Variants in LPP observed in about 807,000 individuals in gnomAD.
LPP encodes the protein LIM domain containing preferred translocation partner in lipoma.
Under a neutral mutation model 60.4 loss-of-function variants are expected in LPP, and 38 were observed. The ratio of observed to expected loss-of-function variants is 0.63; its 90% CI spans 0.49 to 0.83. The LOEUF is 0.83. Ranked by LOEUF, LPP falls within the 40% of genes least tolerant of loss-of-function variation. The pLI is 0.00. For synonymous variants in LPP, 328 were observed against 290.8 expected (o/e 1.13, Z -1.30); for missense variants, 902 against 783.6 (o/e 1.15, Z -1.80).
chr3:188,510,477 A>G (rs1423772424), intron 5 of LPP, among the ~76,000 whole-genome samples: 1 of 152,138 alleles, frequency 6.6e-6, no homozygotes, highest in East Asian at 1.9e-4. Context: ...TTTAATATAA[A>G]TTGTCTGTGC....
chr3:188,639,388 T>G (rs1194284639), intron 7 of LPP, among the ~76,000 whole-genome samples: 1 of 151,066 alleles, frequency 6.6e-6, no homozygotes, highest in African/African-American at 2.4e-5. Context: ...AAGACTTAAA[T>G]GTTAGACCTA....
chr3:188,873,958 T>A (rs1046545155), intron 11 of LPP, among the ~76,000 whole-genome samples: 2 of 152,128 alleles, frequency 1.3e-5, no homozygotes, highest in Non-Finnish European at 2.9e-5. Flanking sequence ...TTTTGAGAGA[T>A]CCTTAAACTA....
At chr3:188,735,120 G>A (rs1007729530) in intron 8 of LPP, among the ~76,000 whole-genome samples, 1 of 152,038 alleles carries the variant, frequency 6.6e-6, no homozygotes, top group African/African-American at 2.4e-5. Context: ...AGCCGGATCT[G>A]CCTGTATAAT....
chr3:188,514,008 T>A (rs930979587), intron 5 of LPP, among the ~76,000 whole-genome samples: 2 of 152,178 alleles, frequency 1.3e-5, no homozygotes, highest in African/African-American at 4.8e-5. Flanking sequence ...GAGGTAAAAG[T>A]TGAGTTCCAG....
intron 9 of LPP, among the ~76,000 whole-genome samples, chr3:188,846,036 G>A (rs1286503572): frequency 6.6e-6 from 1 of 152,128 alleles, no homozygotes; most frequent in Non-Finnish European, 1.5e-5. Flanking sequence ...GCTTTTATTA[G>A]GTCAGTCATT....
chr3:188,808,341 G>A (rs531406105), intron 9 of LPP, among the ~76,000 whole-genome samples: 1 of 152,206 alleles, frequency 6.6e-6, no homozygotes, highest in African/African-American at 2.4e-5. Context: ...TGCTTTTGAG[G>A]CAGAGGGACA....
chr3:188,846,168 C>T (rs554569212), intron 9 of LPP, among the ~76,000 whole-genome samples: 5 of 152,190 alleles, frequency 3.3e-5, no homozygotes, highest in South Asian at 2.1e-4. Context: ...GAGACAAGCA[C>T]GTATACAAAA....
chr3:188,479,987 C>T (rs1804323298), intron 4 of LPP, among the ~76,000 whole-genome samples: 1 of 152,178 alleles, frequency 6.6e-6, no homozygotes, highest in Non-Finnish European at 1.5e-5. Context: ...AAGGGCTAAG[C>T]AAGCTCTGCG....
intron 8 of LPP, among the ~76,000 whole-genome samples, chr3:188,738,888 C>T (rs954032256): frequency 4.6e-5 from 7 of 152,022 alleles, no homozygotes; most frequent in African/African-American, 1.4e-4. Flanking sequence ...AAGGATGACT[C>T]GCTATCTGAT....
intron 8 of LPP, among the ~76,000 whole-genome samples, chr3:188,737,481 C>T (rs543679115): frequency 1.9e-4 from 29 of 152,276 alleles, no homozygotes; most frequent in Admixed American, 3.9e-4. Context: ...TTTAGAACTC[C>T]GCTCCATTGA....
Position 188,876,775 on chromosome 3 carries a change from T to C in LPP, c.*2296T>C, listed in dbSNP as rs1769301374. The C allele has an allele frequency of 1.1e-5, 2 of 185,108 alleles. No homozygotes were observed. The highest frequency in any genetic ancestry group is 4.7e-5 in the African/African-American group (2 of 42,630). 11.5% of individuals were successfully genotyped at this position (185,108 alleles called of 1,614,324 possible). On this transcript the variant is annotated 3_prime_UTR_variant, in exon 12 of 12. Transcript: ENST00000617246. ...AGAAGAAGAATTTATTGAATATTTATACTATAAAATGCAGTAACATTCTAC... is the reference window on the plus strand; with the variant it reads ...AGAAGAAGAATTTATTGAATATTTACACTATAAAATGCAGTAACATTCTAC...
At chr3:188,543,914 G>A (rs1825867154) in intron 6 of LPP, among the ~76,000 whole-genome samples, 1 of 152,184 alleles carries the variant, frequency 6.6e-6, no homozygotes, top group African/African-American at 2.4e-5. Flanking sequence ...CTGTCCACAG[G>A]GATTTAGTGC....
At chr3:188,292,941 T>C (rs991019006) in intron 2 of LPP, among the ~76,000 whole-genome samples, 1 of 152,190 alleles carries the variant, frequency 6.6e-6, no homozygotes, top group Non-Finnish European at 1.5e-5. Flanking sequence ...GATTCTACAT[T>C]CTCATGGAAG....
intron 8 of LPP, among the ~76,000 whole-genome samples, chr3:188,753,765 T>A (rs560055889): frequency 6.6e-6 from 1 of 151,930 alleles, no homozygotes; most frequent in Non-Finnish European, 1.5e-5. Flanking sequence ...TTGCGAGTGT[T>A]TGAGTGTGGG....
intron 7 of LPP, among the ~76,000 whole-genome samples, chr3:188,690,689 C>T (rs1403061465): frequency 6.6e-6 from 1 of 152,146 alleles, no homozygotes; most frequent in Non-Finnish European, 1.5e-5. Flanking sequence ...TCAAAGTGTT[C>T]TCTCTTTCCA....
At chr3:188,419,015 G>C (rs1334833654) in intron 4 of LPP, among the ~76,000 whole-genome samples, 2 of 151,996 alleles carry the variant, frequency 1.3e-5, no homozygotes, top group Non-Finnish European at 2.9e-5. Flanking sequence ...TTGGGTTTTA[G>C]TAAGGGCATC....
intron 3 of LPP, among the ~76,000 whole-genome samples, chr3:188,342,107 G>A (rs897457816): frequency 6.6e-6 from 1 of 152,106 alleles, no homozygotes; most frequent in African/African-American, 2.4e-5. Context: ...TTGATTGAGC[G>A]CATTTTTGAC....
At chr3:188,526,500 A>G (rs1412086459) in intron 6 of LPP, among the ~76,000 whole-genome samples, 1 of 152,150 alleles carries the variant, frequency 6.6e-6, no homozygotes, top group Non-Finnish European at 1.5e-5. Context: ...CATGTTGGCC[A>G]GGCTTCTCTG....
chr3:188,744,602 C>T (rs1451190529), intron 8 of LPP, among the ~76,000 whole-genome samples: 1 of 152,116 alleles, frequency 6.6e-6, no homozygotes, highest in Non-Finnish European at 1.5e-5. Context: ...AAGATAATGC[C>T]TACCTGATAG....
Sources: allele counts gnomAD v4.1 joint callset (sites outside exome capture counted in the v4.1 genomes callset), GRCh38; gene constraint gnomAD v4.1.1; transcripts MANE v1.5; gene names NCBI Gene and HGNC (gene_info 2026-07-23, HGNC 2026-07-21).